Variants in EIF2AK3 observed in about 807,000 individuals in gnomAD.
EIF2AK3 encodes eukaryotic translation initiation factor 2 alpha kinase 3, also known as eukaryotic translation initiation factor 2-alpha kinase 3.
In EIF2AK3, 50 loss-of-function variants were observed where a neutral mutation model predicts 113.5. The observed-to-expected ratio is 0.44, with a 90% CI of 0.35 to 0.56. EIF2AK3 has a LOEUF of 0.56. Among genes scored for constraint, EIF2AK3 ranks in the 20% least tolerant of loss-of-function variants. EIF2AK3 has a pLI of 0.00. For missense variants in EIF2AK3, 1,185 were observed against 1,378.0 expected (o/e 0.86, Z 2.22); for synonymous variants, 448 against 495.4 (o/e 0.90, Z 1.27).
chr2:88,580,089 A>T (rs1674560208), intron 10 of EIF2AK3: 1 of 201,106 alleles, frequency 5.0e-6, no homozygotes, highest in African/African-American at 2.4e-5. Context: ...TATTATACCC[A>T]GGTACTATTT....
Position 88,585,961 on chromosome 2 carries a change from G to T in EIF2AK3, c.1530C>A (p.Ile510=), listed in dbSNP as rs1674719664. The change falls in exon 9 of 17, where the codon ATC becomes ATA. Residue 510 remains isoleucine, a synonymous_variant. Transcript: ENST00000303236. The part of the protein sequence containing the change: ...FLDNPHYNKN[I]RKKDPVLLLH... Reference sequence around the variant, plus strand: ...AAAGAAGAACAGGATCCTTTTTGCGGATATTCTTGTTGTAATGTGGGTTGT... The same window carrying T: ...AAAGAAGAACAGGATCCTTTTTGCGTATATTCTTGTTGTAATGTGGGTTGT... 2 of 1,614,124 alleles carry T rather than the reference G, an allele frequency of 1.2e-6. No homozygotes were observed. Among genetic ancestry groups the T allele is most frequent in the Non-Finnish European group, 1.7e-6 (2 of 1,179,980 alleles).
intron 8 of EIF2AK3, among the ~76,000 whole-genome samples, chr2:88,587,661 T>C (rs1269714428): frequency 1.3e-5 from 2 of 152,220 alleles, no homozygotes; most frequent in Non-Finnish European, 2.9e-5. Context: ...GTGCCACGTA[T>C]GATGTTAACT....
intron 13 of EIF2AK3, among the ~76,000 whole-genome samples, chr2:88,572,676 C>T (rs1040476530): frequency 2.0e-5 from 3 of 152,262 alleles, no homozygotes; most frequent in East Asian, 1.9e-4. Flanking sequence ...GCCATGTGGG[C>T]CAACAGATTT....
chr2:88,593,983 G>C (rs1373614744), intron 3 of EIF2AK3: 2 of 982,988 alleles, frequency 2.0e-6, no homozygotes, highest in African/African-American at 3.5e-5. Flanking sequence ...CAATCCTGTT[G>C]TTTACAGATG....
intron 2 of EIF2AK3, among the ~76,000 whole-genome samples, chr2:88,606,800 G>C (rs936016507): frequency 1.3e-5 from 2 of 152,248 alleles, no homozygotes. Flanking sequence ...ATATGGGGAG[G>C]GGGAGGAGGC....
intron 2 of EIF2AK3, among the ~76,000 whole-genome samples, chr2:88,611,789 C>T (rs961495671): frequency 2.0e-5 from 3 of 152,124 alleles, no homozygotes; most frequent in African/African-American, 7.2e-5. Flanking sequence ...TGCCACCACA[C>T]CTTGCTAATT....
At chr2:88,559,068 G>T in intron 15 of EIF2AK3, 89 bp from the exon 16 acceptor site, 2 of 838,358 alleles carry the variant, frequency 2.4e-6, no homozygotes, top group South Asian at 1.5e-5. Context: ...TGACTAAGAG[G>T]TTGTACATCT....
chr2:88,596,625 G>A (rs977816662), intron 2 of EIF2AK3, among the ~76,000 whole-genome samples: 1 of 152,112 alleles, frequency 6.6e-6, no homozygotes, highest in Non-Finnish European at 1.5e-5. Flanking sequence ...GCCAGGCTTT[G>A]CAAAGGCTCT....
At chr2:88,571,600 A>G (rs1674310651) in intron 13 of EIF2AK3, among the ~76,000 whole-genome samples, 1 of 152,184 alleles carries the variant, frequency 6.6e-6, no homozygotes, top group Non-Finnish European at 1.5e-5. Flanking sequence ...TTCAGACCTG[A>G]GCAGTCTGGC....
At position 88,590,539 on chromosome 2, in the gene EIF2AK3, C is replaced by G; in HGVS notation, c.1069G>C (p.Asp357His). 1 of 1,613,618 alleles carries G rather than the reference C, an allele frequency of 6.2e-7. No individual in the cohort carries two copies. The change falls in exon 6 of 17, where the codon GAT (aspartate) becomes CAT (histidine). Residue 357 changes from aspartate (D) to histidine (H), a missense_variant. Asp to His is a moderately conservative substitution (Grantham distance 81, BLOSUM62 -1). Around this residue, in one of 3 missense-constraint regions of EIF2AK3, gnomAD observed 877 missense variants for 1,024.2 expected, o/e 0.86. Coordinates refer to ENST00000303236, the MANE Select transcript of EIF2AK3 (RefSeq NM_004836.7). ...DGKVIPISLF[D>H]DTSYTSNDDV... ...TCATTAGATGTATAACTTGTATCAT[C>G]AAAAAGACTGATGGGAATGACTTTC...
intron 3 of EIF2AK3, among the ~76,000 whole-genome samples, chr2:88,594,830 T>G: frequency 8.7e-6 from 1 of 115,078 alleles, no homozygotes; most frequent in African/African-American, 3.2e-5. Flanking sequence ...TGTCAAAATG[T>G]AAAAAAAAAA....
chr2:88,576,932 A>G (rs1354316528), intron 11 of EIF2AK3, among the ~76,000 whole-genome samples: 8 of 152,160 alleles, frequency 5.3e-5, no homozygotes, highest in African/African-American at 1.9e-4. Flanking sequence ...AAATAATAAA[A>G]TAGGATCTTT....
chr2:88,579,676 C>A, intron 10 of EIF2AK3, 36 bp from the exon 11 acceptor site: 1 of 1,599,498 alleles, frequency 6.3e-7, no homozygotes, highest in South Asian at 1.1e-5. Context: ...AGGTTTGCAA[C>A]AGTTTTAAAT....
At chr2:88,591,602 T>C (rs1674890732) in intron 4 of EIF2AK3, among the ~76,000 whole-genome samples, 1 of 152,146 alleles carries the variant, frequency 6.6e-6, no homozygotes, top group South Asian at 2.1e-4. Flanking sequence ...ATGTGGCAAG[T>C]CATTTACCCT....
At chr2:88,579,464 GAGATT>G in intron 11 of EIF2AK3, 49 bp downstream of exon 11, 1 of 1,606,102 alleles carries the variant, frequency 6.2e-7, no homozygotes. Flanking sequence ...TTTTACCCAT[GAGATT>G]AGATCACACT....
intron 2 of EIF2AK3, among the ~76,000 whole-genome samples, chr2:88,612,375 T>C (rs1675477961): frequency 1.3e-5 from 2 of 152,196 alleles, no homozygotes; most frequent in South Asian, 4.1e-4. Flanking sequence ...TACCCAAGCA[T>C]AATCCCAGCA....
chr2:88,624,422 A>G (rs1675808846), intron 1 of EIF2AK3, among the ~76,000 whole-genome samples: 1 of 152,326 alleles, frequency 6.6e-6, no homozygotes, highest in African/African-American at 2.4e-5. Context: ...CTGAATCTTT[A>G]ACCTCTTGCA....
At chr2:88,622,477 T>A (rs570642528) in intron 1 of EIF2AK3, among the ~76,000 whole-genome samples, 4 of 152,238 alleles carry the variant, frequency 2.6e-5, no homozygotes, top group Non-Finnish European at 5.9e-5. Context: ...GGAAGATGCC[T>A]ATGAATGCAG....
chr2:88,560,079 G>A (rs1673905471), intron 15 of EIF2AK3, among the ~76,000 whole-genome samples: 1 of 151,996 alleles, frequency 6.6e-6, no homozygotes, highest in Admixed American at 6.5e-5. Flanking sequence ...AACGTATGAG[G>A]GTTCCAATTT....
Sources: gnomAD v4.1 joint callset for allele counts (sites outside exome capture counted in the v4.1 genomes callset) on GRCh38, gnomAD v4.1.1 for gene constraint, gnomAD v4.1.1 regional missense constraint, MANE v1.5 for transcripts, NCBI Gene and HGNC (gene_info 2026-07-23, HGNC 2026-07-21) for gene names.